LRP1B: variants seen among roughly 807,000 people sequenced by gnomAD.
The protein encoded by LRP1B is LDL receptor related protein 1B.
A neutral mutation model predicts 556.6 loss-of-function variants in LRP1B; 217 were observed. That is an observed-to-expected ratio of 0.39 (90% CI 0.35 to 0.44). The LOEUF (loss-of-function observed/expected upper bound fraction) is 0.44. Ranked by LOEUF, LRP1B falls within the 20% of genes least tolerant of loss-of-function variation. The pLI is 1.00. For missense variants in LRP1B, 5,053 were observed against 5,620.8 expected (o/e 0.90, Z 3.23); for synonymous variants, 2,047 against 1,865.8 (o/e 1.10, Z -2.50).
intron 60 of LRP1B, among the ~76,000 whole-genome samples, chr2:140,473,481 T>C (rs1217985037): frequency 6.6e-6 from 1 of 151,982 alleles, no homozygotes; most frequent in African/African-American, 2.4e-5. Context: ...AGTGTTATGA[T>C]TGACACTTTA....
intron 41 of LRP1B, among the ~76,000 whole-genome samples, chr2:140,684,862 A>G (rs1425382045): frequency 1.3e-5 from 2 of 152,128 alleles, no homozygotes; most frequent in Admixed American, 1.3e-4. Flanking sequence ...AAGTGTTTGG[A>G]TCTTTGGAAA....
intron 1 of LRP1B, among the ~76,000 whole-genome samples, chr2:141,972,666 G>T (rs907799470): frequency 1.3e-5 from 2 of 150,586 alleles, no homozygotes; most frequent in African/African-American, 4.9e-5. Flanking sequence ...TTTTTTAGAC[G>T]TTGGTTCTGA....
At chr2:141,619,847 A>G (rs1314508083) in intron 2 of LRP1B, among the ~76,000 whole-genome samples, 3 of 152,226 alleles carry the variant, frequency 2.0e-5, no homozygotes, top group African/African-American at 7.2e-5. Flanking sequence ...TAAGTTGAGA[A>G]CATGATCCAC....
intron 41 of LRP1B, among the ~76,000 whole-genome samples, chr2:140,672,678 T>C (rs773858438): frequency 6.6e-6 from 1 of 152,116 alleles, no homozygotes; most frequent in Non-Finnish European, 1.5e-5. Flanking sequence ...TAACAACCCA[T>C]TTCTTGCCTA....
chr2:141,187,445 A>T (rs1681310989), intron 7 of LRP1B, among the ~76,000 whole-genome samples: 1 of 152,112 alleles, frequency 6.6e-6, no homozygotes, highest in Non-Finnish European at 1.5e-5. Context: ...TCCATCAGAC[A>T]TTTCAGCCTG....
chr2:140,646,080 C>T (rs943916635), intron 41 of LRP1B, among the ~76,000 whole-genome samples: 4 of 152,098 alleles, frequency 2.6e-5, no homozygotes, highest in Non-Finnish European at 4.4e-5. Flanking sequence ...CTTTATACAA[C>T]GCTCAAAACT....
At chr2:141,379,355 G>T (rs1233145650) in intron 3 of LRP1B, among the ~76,000 whole-genome samples, 1 of 152,178 alleles carries the variant, frequency 6.6e-6, no homozygotes, top group African/African-American at 2.4e-5. Flanking sequence ...TAGTAGATCT[G>T]CCCTAGAAGA....
At chr2:141,888,022 T>A (rs990755510) in intron 1 of LRP1B, among the ~76,000 whole-genome samples, 1 of 152,182 alleles carries the variant, frequency 6.6e-6, no homozygotes, top group Non-Finnish European at 1.5e-5. Context: ...AAGATTTTAT[T>A]AATATCATAA....
intron 1 of LRP1B, among the ~76,000 whole-genome samples, chr2:142,045,724 A>G (rs1449497): frequency 1.3e-5 from 2 of 151,930 alleles, no homozygotes; most frequent in East Asian, 3.9e-4. Context: ...AACCATGCAA[A>G]TATGATCTAA....
intron 7 of LRP1B, among the ~76,000 whole-genome samples, chr2:141,103,915 T>C (rs1452243928): frequency 6.6e-6 from 1 of 152,010 alleles, no homozygotes; most frequent in African/African-American, 2.4e-5. Flanking sequence ...CAACCACATT[T>C]GGCATTGACA....
At chr2:140,623,977 T>TATATA (rs1413110559) in intron 41 of LRP1B, among the ~76,000 whole-genome samples, 1 of 142,480 alleles carries the variant, frequency 7.0e-6, no homozygotes, top group South Asian at 2.2e-4. Context: ...TATATATAGC[T>TATATA]TAGTTGTTTT....
chr2:140,815,860 TG>T lies in LRP1B; in HGVS notation c.5210-2055del, dbSNP rs1691100424. 2.0e-5 allele frequency among the ~76,000 whole-genome samples: 2 copies of T among 100,952 alleles called. 1 individual carries two copies. The highest frequency in any genetic ancestry group is 4.3e-5 in the Non-Finnish European group (2 of 46,582). The allele number at this position is 100,952 out of a possible 152,430, so 66.2% of individuals were successfully genotyped here. On this transcript the variant is annotated intron_variant, in intron 31 of 90. Coordinates refer to ENST00000389484, the MANE Select transcript of LRP1B (RefSeq NM_018557.3). ...GGGGGCTTCACAGAGGGAAGAATGT[TG>T]TCTCTCTTTTTTTTTTTTTTTTGGA...
intron 66 of LRP1B, among the ~76,000 whole-genome samples, chr2:140,413,849 G>A (rs1019357335): frequency 2.0e-5 from 3 of 152,110 alleles, no homozygotes; most frequent in African/African-American, 4.8e-5. Flanking sequence ...GGAATTTCAA[G>A]TCTAGTACAG....
chr2:140,748,119 AT>A lies in LRP1B; in HGVS notation c.5758+21093del, dbSNP rs1395110013. On this transcript the variant is annotated intron_variant, in intron 35 of 90. Coordinates refer to ENST00000389484, the MANE Select transcript of LRP1B (RefSeq NM_018557.3). ...TATATATATATATATATATATATAT[AT>A]ATATATATATATATATAATTCATAT... Among the ~76,000 whole-genome samples the A allele has an allele frequency of 3.4e-3, 455 of 132,946 alleles. 8 individuals are homozygous for A. Among genetic ancestry groups the A allele is most frequent in the African/African-American group, 7.4e-3 (264 of 35,624 alleles). 87.2% of individuals were successfully genotyped at this position (132,946 alleles called of 152,430 possible). A position where few individuals can be genotyped will look rare whatever the true frequency, so the allele number is the denominator to read the frequency against.
At chr2:140,453,239 A>G (rs1173939209) in intron 62 of LRP1B, among the ~76,000 whole-genome samples, 1 of 151,924 alleles carries the variant, frequency 6.6e-6, no homozygotes, top group East Asian at 1.9e-4. Flanking sequence ...TGATATAATG[A>G]TTTTGCTCTT....
At chr2:141,085,806 C>A (rs1010893373) in intron 7 of LRP1B, among the ~76,000 whole-genome samples, 9 of 152,156 alleles carry the variant, frequency 5.9e-5, no homozygotes, top group Admixed American at 5.2e-4. Context: ...GTTTTTAATT[C>A]AAGTTTTAAT....
intron 2 of LRP1B, among the ~76,000 whole-genome samples, chr2:141,752,129 T>C (rs1437348): frequency 0.37 from 56,268 of 151,822 alleles, 11,140 homozygotes; most frequent in East Asian, 0.5. Flanking sequence ...GTTTTTATAC[T>C]AGTACTAGTC....
chr2:140,248,626 C>T lies in LRP1B; in HGVS notation c.13248-1464G>A, dbSNP rs1010155872. On this transcript the variant is annotated intron_variant, in intron 86 of 90. Transcript: ENST00000389484. ...TTAGGTAATGAAATAGGGATATTTT[C>T]AAATCATTAGAATAAAGTGAACAAC... Among the ~76,000 whole-genome samples the T allele has an allele frequency of 9.2e-5, 14 of 151,484 alleles. No individual in the cohort carries two copies. In the South Asian group the frequency reaches 1.0e-3, roughly 11 times the overall value.
intron 41 of LRP1B, among the ~76,000 whole-genome samples, chr2:140,685,563 A>G (rs1052908544): frequency 6.6e-6 from 1 of 152,102 alleles, no homozygotes; most frequent in Non-Finnish European, 1.5e-5. Flanking sequence ...CTTTTAACCA[A>G]TATTCTGTAG....
Sources: allele counts gnomAD v4.1 joint callset (sites outside exome capture counted in the v4.1 genomes callset), GRCh38; gene constraint gnomAD v4.1.1; transcripts MANE v1.5; gene names NCBI Gene and HGNC (gene_info 2026-07-23, HGNC 2026-07-21).